The following ZBTB16 variants were observed in gnomAD, a reference collection of about 807,000 sequenced individuals.
ZBTB16 encodes zinc finger and BTB domain-containing protein 16.
ZBTB16 carries 8 observed loss-of-function variants against 56.8 expected under a neutral mutation model. That is an observed-to-expected ratio of 0.14 (90% CI 0.08 to 0.25). The LOEUF is 0.25. ZBTB16 is among the 10% of genes least tolerant of loss of function. ZBTB16 has a pLI of 1.00. For synonymous variants in ZBTB16, 363 were observed against 368.5 expected (o/e 0.98, Z 0.17); for missense variants, 625 against 903.0 (o/e 0.69, Z 3.95).
intron 2 of ZBTB16, among the ~76,000 whole-genome samples, chr11:114,116,291 T>G (rs150707615): frequency 1.2e-4 from 19 of 152,322 alleles, no homozygotes; most frequent in African/African-American, 4.3e-4. Context: ...TTTTAATCCT[T>G]GGGTATAGAG....
chr11:114,062,104 CTT>C lies in ZBTB16; in HGVS notation c.-90-1094_-90-1093del, dbSNP rs35612820. 4.9e-5 allele frequency among the ~76,000 whole-genome samples: 7 copies of C among 143,804 alleles called. No individual in the cohort carries two copies. In the East Asian group the frequency reaches 6.3e-4, roughly 13 times the overall value. The allele number at this position is 143,804 out of a possible 152,430, so 94.3% of individuals were successfully genotyped here. A position where few individuals can be genotyped will look rare whatever the true frequency, so the allele number is the denominator to read the frequency against. On this transcript the variant is annotated intron_variant, in intron 1 of 6. Transcript: ENST00000335953. ...GTGTGTGTGTGTAAACACACACACA[CTT>C]TTTTTTTTTTTTCTGAGACGGAGTT...
chr11:114,133,665 T>C (rs1941727103), intron 2 of ZBTB16, among the ~76,000 whole-genome samples: 1 of 152,118 alleles, frequency 6.6e-6, no homozygotes, highest in African/African-American at 2.4e-5. Flanking sequence ...TCAGTGGTCT[T>C]GGCCCTGGTT....
chr11:114,127,636 C>T (rs1225297964), intron 2 of ZBTB16, among the ~76,000 whole-genome samples: 1 of 152,004 alleles, frequency 6.6e-6, no homozygotes, highest in Non-Finnish European at 1.5e-5. Context: ...CTAGGAATTG[C>T]GTCAATAGTT....
At chr11:114,109,140 C>T (rs1394885114) in intron 2 of ZBTB16, among the ~76,000 whole-genome samples, 1 of 152,164 alleles carries the variant, frequency 6.6e-6, no homozygotes, top group Non-Finnish European at 1.5e-5. Context: ...GGGGCATGCC[C>T]CATCCTCCAG....
At chr11:114,173,444 C>T (rs1045172561) in intron 3 of ZBTB16, among the ~76,000 whole-genome samples, 4 of 152,142 alleles carry the variant, frequency 2.6e-5, no homozygotes, top group African/African-American at 9.7e-5. Context: ...GCCTCTTTCC[C>T]AGCTGTCACC....
In ZBTB16 at chr11:114,242,256, G is replaced by A. The variant is rs758738597; in HGVS notation, c.1543G>A (p.Val515Met). The change falls in exon 5 of 7, where the codon GTG becomes ATG. Residue 515 changes from valine (V) to methionine (M), a missense_variant. This residue lies in a region of ZBTB16 where 140 missense variants were observed against 214.8 expected (regional missense o/e 0.65). Coordinates refer to ENST00000335953, the MANE Select transcript of ZBTB16 (RefSeq NM_006006.6). Reference sequence around the variant, plus strand: ...GCAGCACATGGAGGTCCACGCGGGCGTGCGCAGCTACATCTGCAGTGAGTG... The same window carrying A: ...GCAGCACATGGAGGTCCACGCGGGCATGCGCAGCTACATCTGCAGTGAGTG... ...LQQHMEVHAG[V>M]RSYICSECNR... is the part of the protein sequence containing the mutation. The A allele has an allele frequency of 3.1e-6, 5 of 1,613,938 alleles. No homozygotes were observed. Among genetic ancestry groups the A allele is most frequent in the Admixed American group, 3.3e-5 (2 of 60,014 alleles).
At chr11:114,167,096 A>G (rs937505246) in intron 3 of ZBTB16, among the ~76,000 whole-genome samples, 3 of 152,134 alleles carry the variant, frequency 2.0e-5, no homozygotes, top group Admixed American at 6.5e-5. Context: ...TAAATTTAAA[A>G]TTGTAATTGG....
chr11:114,169,272 A>G (rs1264183364), intron 3 of ZBTB16, among the ~76,000 whole-genome samples: 3 of 152,120 alleles, frequency 2.0e-5, no homozygotes, highest in Admixed American at 6.5e-5. Flanking sequence ...TTAGACTTCA[A>G]GCGTCTTGGA....
At chr11:114,139,662 T>A (rs937936592) in intron 2 of ZBTB16, among the ~76,000 whole-genome samples, 1 of 151,206 alleles carries the variant, frequency 6.6e-6, no homozygotes, top group Non-Finnish European at 1.5e-5. Flanking sequence ...TGTGTGTGTG[T>A]GTAGTAGAGG....
At chr11:114,222,250 C>T (rs145169661) in intron 4 of ZBTB16, among the ~76,000 whole-genome samples, 1 of 150,646 alleles carries the variant, frequency 6.6e-6, no homozygotes, top group East Asian at 2.0e-4. Flanking sequence ...TTACTTTAAC[C>T]TGAATGAACA....
chr11:114,126,912 G>A (rs924993122), intron 2 of ZBTB16, among the ~76,000 whole-genome samples: 1 of 152,204 alleles, frequency 6.6e-6, no homozygotes, highest in African/African-American at 2.4e-5. Context: ...AAATCAGCTT[G>A]TCATGTTCCT....
At chr11:114,061,319 A>G (rs1938850884) in intron 1 of ZBTB16, 1 of 151,488 alleles carries the variant, frequency 6.6e-6, no homozygotes, top group South Asian at 2.1e-4. Flanking sequence ...CAGGACCCAA[A>G]AGGCTTGTTT....
At chr11:114,196,995 G>A (rs1943625927) in intron 4 of ZBTB16, among the ~76,000 whole-genome samples, 1 of 152,054 alleles carries the variant, frequency 6.6e-6, no homozygotes, top group African/African-American at 2.4e-5. Context: ...CCCTCCCTGT[G>A]GGGGCCTGGG....
chr11:114,164,333 A>G (rs958069313), intron 3 of ZBTB16, among the ~76,000 whole-genome samples: 39 of 152,150 alleles, frequency 2.6e-4, no homozygotes, highest in African/African-American at 9.2e-4. Flanking sequence ...ACCCTGTCTC[A>G]TGCCACCACA....
At chr11:114,095,245 CTTTTTTTTT>C (rs745895999) in intron 2 of ZBTB16, among the ~76,000 whole-genome samples, 6 of 90,480 alleles carry the variant, frequency 6.6e-5, no homozygotes, top group African/African-American at 1.9e-4. Flanking sequence ...CTTTTCTTTT[CTTTTTTTTT>C]TTTTTTTTTT....
At chr11:114,203,978 A>G (rs73566023) in intron 4 of ZBTB16, among the ~76,000 whole-genome samples, 25,254 of 151,542 alleles carry the variant, frequency 0.17, 3,064 homozygotes, top group African/African-American at 0.34. Context: ...GATTTCTAGA[A>G]GAAAAGCCAG....
At chr11:114,238,876 C>T (rs1030685706) in intron 4 of ZBTB16, among the ~76,000 whole-genome samples, 13 of 152,104 alleles carry the variant, frequency 8.5e-5, no homozygotes, top group African/African-American at 2.9e-4. Flanking sequence ...CTCAGATACT[C>T]AACTTTTAAA....
intron 2 of ZBTB16, among the ~76,000 whole-genome samples, chr11:114,091,600 TCCTCCCTCCCTC>T (rs61335253): frequency 1.4e-5 from 2 of 147,978 alleles, no homozygotes; most frequent in East Asian, 4.5e-4. Context: ...AATCTTTTGT[TCCTCCCTCCCTC>T]CCTCCCTCCC....
chr11:114,155,182 C>G (rs190279513), intron 2 of ZBTB16, among the ~76,000 whole-genome samples: 145 of 152,374 alleles, frequency 9.5e-4, no homozygotes, highest in African/African-American at 3.4e-3. Context: ...TGCCCCACCG[C>G]CCACAGATCC....
Sources: gnomAD v4.1 joint callset for allele counts (sites outside exome capture counted in the v4.1 genomes callset) on GRCh38, gnomAD v4.1.1 for gene constraint, gnomAD v4.1.1 regional missense constraint, MANE v1.5 for transcripts, NCBI Gene and HGNC (gene_info 2026-07-23, HGNC 2026-07-21) for gene names.